The following KCNJ3 variants were observed in gnomAD, a reference collection of about 807,000 sequenced individuals.
KCNJ3 encodes potassium inwardly rectifying channel subfamily J member 3, also known as G protein-activated inward rectifier potassium channel 1.
A neutral mutation model predicts 39.2 loss-of-function variants in KCNJ3; 4 were observed. That is an observed-to-expected ratio of 0.10 (90% CI 0.05 to 0.23). KCNJ3 has a LOEUF of 0.23. Ranked by LOEUF, KCNJ3 falls within the 10% of genes least tolerant of loss-of-function variation. The pLI is 1.00. For synonymous variants in KCNJ3, 230 were observed against 237.4 expected, an observed-to-expected ratio of 0.97 and a Z score of 0.29; for missense variants, 276 against 634.9, an observed-to-expected ratio of 0.43 and a Z score of 6.08.
intron 2 of KCNJ3, among the ~76,000 whole-genome samples, chr2:154,756,893 G>A (rs566827280): frequency 6.6e-6 from 1 of 152,076 alleles, no homozygotes; most frequent in South Asian, 2.1e-4. Flanking sequence ...ACTGTAGAAA[G>A]AGCATAAGAT....
chr2:154,805,920 C>G (rs1243754318), intron 2 of KCNJ3, among the ~76,000 whole-genome samples: 1 of 152,080 alleles, frequency 6.6e-6, no homozygotes, highest in African/African-American at 2.4e-5. Context: ...CAATGTTCTA[C>G]ATGAACATAT....
chr2:154,717,246 A>G (rs1685197066), intron 2 of KCNJ3, among the ~76,000 whole-genome samples: 1 of 152,116 alleles, frequency 6.6e-6, no homozygotes, highest in Non-Finnish European at 1.5e-5. Context: ...AGAGTGTAGA[A>G]CAAGTCTAGG....
At chr2:154,767,205 C>A (rs778941997) in intron 2 of KCNJ3, among the ~76,000 whole-genome samples, 48 of 151,806 alleles carry the variant, frequency 3.2e-4, no homozygotes, top group Non-Finnish European at 5.9e-4. Context: ...TAAAATTATA[C>A]TTTAAGTTCT....
chr2:154,714,383 A>C (rs890465656), intron 2 of KCNJ3, among the ~76,000 whole-genome samples: 1 of 151,952 alleles, frequency 6.6e-6, no homozygotes, highest in Non-Finnish European at 1.5e-5. Context: ...CAATTGTTCC[A>C]TATATCCTAC....
At chr2:154,731,775 AC>A (rs1685453097) in intron 2 of KCNJ3, among the ~76,000 whole-genome samples, 1 of 151,640 alleles carries the variant, frequency 6.6e-6, no homozygotes, top group Admixed American at 6.6e-5. Context: ...AATCTGATTC[AC>A]TTTTTTTTTT....
intron 2 of KCNJ3, among the ~76,000 whole-genome samples, chr2:154,829,424 T>C (rs1687325093): frequency 6.6e-6 from 1 of 152,160 alleles, no homozygotes; most frequent in South Asian, 2.1e-4. Context: ...GATAATGTCT[T>C]CCAGCTCCAT....
rs1378790136 is a variant in KCNJ3, at chr2:154,699,866, C to A, written c.702+389C>A. On this transcript the variant is annotated intron_variant, in intron 1 of 2. Coordinates refer to ENST00000295101, the MANE Select transcript of KCNJ3 (RefSeq NM_002239.4). This position sits in a 1 kb window ranked among gnomAD's most constrained non-coding sequence, Gnocchi z 6.4. ...ACACTACCCCATTCAATGCGAGGTA[C>A]TAGAACTCAACTGAACAGCTGTTAT... 2.0e-5 allele frequency among the ~76,000 whole-genome samples: 3 copies of A among 152,154 alleles called. No individual in the cohort carries two copies. Among genetic ancestry groups the A allele is most frequent in the Non-Finnish European group, 4.4e-5 (3 of 68,036 alleles).
intron 2 of KCNJ3, among the ~76,000 whole-genome samples, chr2:154,729,614 G>C (rs1182107088): frequency 6.6e-6 from 1 of 152,082 alleles, no homozygotes; most frequent in Non-Finnish European, 1.5e-5. Context: ...TGAACCATCT[G>C]CAGTAAAGCA....
chr2:154,729,117 A>G (rs1011147708), intron 2 of KCNJ3, among the ~76,000 whole-genome samples: 1 of 152,188 alleles, frequency 6.6e-6, no homozygotes, highest in Non-Finnish European at 1.5e-5. Context: ...AAGAATGGAA[A>G]TTGTTTGAGA....
intron 2 of KCNJ3, among the ~76,000 whole-genome samples, chr2:154,769,160 T>A (rs529527407): frequency 6.6e-6 from 1 of 152,348 alleles, no homozygotes; most frequent in Non-Finnish European, 1.5e-5. Flanking sequence ...CCTCTTTTCC[T>A]AATTGAATAC....
chr2:154,814,985 T>C (rs2105104768), intron 2 of KCNJ3, among the ~76,000 whole-genome samples: 1 of 152,314 alleles, frequency 6.6e-6, no homozygotes, highest in Non-Finnish European at 1.5e-5. Context: ...CAACTGTAAG[T>C]AGGTAAGACA....
chr2:154,718,364 G>A (rs1241035392), intron 2 of KCNJ3, among the ~76,000 whole-genome samples: 1 of 152,102 alleles, frequency 6.6e-6, no homozygotes, highest in African/African-American at 2.4e-5. Flanking sequence ...ATAGGTAATT[G>A]TAGAAATTTT....
intron 2 of KCNJ3, among the ~76,000 whole-genome samples, chr2:154,796,214 C>T (rs780579155): frequency 6.6e-5 from 10 of 152,030 alleles, no homozygotes; most frequent in Admixed American, 1.3e-4. Flanking sequence ...TCTATTTGTA[C>T]AGTAGAAGGA....
At chr2:154,759,394 C>T (rs893268750) in intron 2 of KCNJ3, among the ~76,000 whole-genome samples, 2 of 151,366 alleles carry the variant, frequency 1.3e-5, no homozygotes, top group East Asian at 1.9e-4. Context: ...CCTAAAGGAC[C>T]TTCATCGTGG....
chr2:154,731,008 A>G (rs1344741518), intron 2 of KCNJ3, among the ~76,000 whole-genome samples: 1 of 152,186 alleles, frequency 6.6e-6, no homozygotes, highest in East Asian at 1.9e-4. Flanking sequence ...GATTCTTATA[A>G]TACTAGAAGA....
intron 2 of KCNJ3, among the ~76,000 whole-genome samples, chr2:154,724,916 G>GATATATATATATATATATATATAT (rs1558856912): frequency 1.0e-4 from 6 of 59,116 alleles, no homozygotes; most frequent in African/African-American, 3.0e-4. Context: ...ATACATATGA[G>GATATATATATATATATATATATAT]GTATATATAT....
At chr2:154,714,019 A>T (rs1685143106) in intron 2 of KCNJ3, among the ~76,000 whole-genome samples, 2 of 152,196 alleles carry the variant, frequency 1.3e-5, no homozygotes, top group Admixed American at 1.3e-4. Flanking sequence ...ATTTTTATAC[A>T]TTCCTTTATC....
chr2:154,699,541 G>T lies in KCNJ3; in HGVS notation c.702+64G>T, dbSNP rs1258616580. The T allele has an allele frequency of 8.0e-6, 12 of 1,493,320 alleles. No homozygotes were observed. Among genetic ancestry groups the T allele is most frequent in the Non-Finnish European group, 1.1e-5 (12 of 1,123,388 alleles). The allele number at this position is 1,493,320 out of a possible 1,614,324, so 92.5% of individuals were successfully genotyped here. A position where few individuals can be genotyped will look rare whatever the true frequency, so the allele number is the denominator to read the frequency against. Reference sequence around the variant, plus strand: ...GTCCCCCAAACCCGCGGAGTAACTCGTCTGAGAACCAGCCCGGGCCCCCTC... The same window carrying T: ...GTCCCCCAAACCCGCGGAGTAACTCTTCTGAGAACCAGCCCGGGCCCCCTC... On this transcript the variant is annotated intron_variant, in intron 1 of 2. Coordinates refer to ENST00000295101, the MANE Select transcript of KCNJ3 (RefSeq NM_002239.4). This position sits in a 1 kb window ranked among gnomAD's most constrained non-coding sequence, Gnocchi z 6.4.
chr2:154,736,880 A>G (rs1685557422), intron 2 of KCNJ3, among the ~76,000 whole-genome samples: 1 of 152,082 alleles, frequency 6.6e-6, no homozygotes, highest in African/African-American at 2.4e-5. Context: ...TTTTTTCCAG[A>G]CTGTGGTGCA....
Sources: gnomAD v4.1 joint callset for allele counts (sites outside exome capture counted in the v4.1 genomes callset) on GRCh38, gnomAD v4.1.1 for gene constraint, Gnocchi (gnomAD v3.1) non-coding constraint, MANE v1.5 for transcripts, NCBI Gene and HGNC (gene_info 2026-07-23, HGNC 2026-07-21) for gene names.